The following ZNF804B variants were observed in gnomAD, a reference collection of about 807,000 sequenced individuals.
The protein encoded by ZNF804B is zinc finger 804B.
ZNF804B carries 80 observed loss-of-function variants against 101.4 expected under a neutral mutation model. The observed-to-expected ratio is 0.79, with a 90% CI of 0.66 to 0.95. ZNF804B has a LOEUF of 0.95. ZNF804B is among the 40% of genes least tolerant of loss of function. The pLI is 0.00. For synonymous variants in ZNF804B, 622 were observed against 558.8 expected, an observed-to-expected ratio of 1.11 and a Z score of -1.59; for missense variants, 1,673 against 1,561.9, an observed-to-expected ratio of 1.07 and a Z score of -1.20.
chr7:88,917,348 A>G (rs1792650718), intron 1 of ZNF804B, among the ~76,000 whole-genome samples: 1 of 152,180 alleles, frequency 6.6e-6, no homozygotes, highest in African/African-American at 2.4e-5. Flanking sequence ...GTTTGGTTGG[A>G]ACATGTTAAA....
At chr7:88,948,738 C>T (rs550868518) in intron 1 of ZNF804B, among the ~76,000 whole-genome samples, 1 of 151,938 alleles carries the variant, frequency 6.6e-6, no homozygotes, top group African/African-American at 2.4e-5. Context: ...ACTAGGACAA[C>T]TGGGGACCAC....
At chr7:89,231,512 G>A (rs928794864) in intron 2 of ZNF804B, among the ~76,000 whole-genome samples, 6 of 151,978 alleles carry the variant, frequency 3.9e-5, no homozygotes, top group African/African-American at 1.4e-4. Flanking sequence ...GATAGGAATT[G>A]CACTAAATTT....
chr7:89,295,380 T>C (rs1052781439), intron 2 of ZNF804B, among the ~76,000 whole-genome samples: 2 of 152,176 alleles, frequency 1.3e-5, no homozygotes, highest in Non-Finnish European at 2.9e-5. Context: ...AGCTTTCTTG[T>C]TGACTCTTAC....
Position 89,336,084 on chromosome 7 carries a change from A to G in ZNF804B, c.3102A>G (p.Val1034=), listed in dbSNP as rs911857677. 2.5e-6 allele frequency: 4 copies of G among 1,613,864 alleles called. No homozygotes were observed. The highest frequency in any genetic ancestry group is 2.7e-5 in the African/African-American group (2 of 74,926). Residue 1034 remains valine, a synonymous_variant, in exon 4 of 4, where the codon GTA becomes GTG. Coordinates refer to ENST00000333190, the MANE Select transcript of ZNF804B (RefSeq NM_181646.5). ...NHLSKGIIHL[V]TESQSLNIKR... Reference sequence around the variant, plus strand: ...TTTCTAAAGGTATAATTCACCTAGTAACAGAGTCTCAGTCACTAAACATAA... The same window carrying G: ...TTTCTAAAGGTATAATTCACCTAGTGACAGAGTCTCAGTCACTAAACATAA...
At chr7:88,933,926 T>C (rs1420660106) in intron 1 of ZNF804B, among the ~76,000 whole-genome samples, 1 of 95,108 alleles carries the variant, frequency 1.1e-5, no homozygotes, top group African/African-American at 5.7e-5. Flanking sequence ...AAATTTGTAT[T>C]AAACCAAAAA....
chr7:89,244,477 A>T (rs1251762967), intron 2 of ZNF804B, among the ~76,000 whole-genome samples: 3 of 152,142 alleles, frequency 2.0e-5, no homozygotes, highest in African/African-American at 7.2e-5. Context: ...GATAACACTG[A>T]ATAAAGTAAA....
intron 1 of ZNF804B, among the ~76,000 whole-genome samples, chr7:89,122,054 A>T (rs1055268706): frequency 4.0e-5 from 6 of 151,494 alleles, no homozygotes; most frequent in Non-Finnish European, 7.4e-5. Flanking sequence ...GCTATATGTT[A>T]AATTATGTGT....
chr7:89,214,269 C>T (rs1480583360), intron 1 of ZNF804B, among the ~76,000 whole-genome samples: 2 of 152,042 alleles, frequency 1.3e-5, no homozygotes, highest in Non-Finnish European at 2.9e-5. Flanking sequence ...TAACAAGAAG[C>T]TTTCTTTTAT....
chr7:89,239,415 T>G (rs932762761), intron 2 of ZNF804B, among the ~76,000 whole-genome samples: 1 of 152,170 alleles, frequency 6.6e-6, no homozygotes. Flanking sequence ...TCTTCATTCC[T>G]GCTTTTTCTT....
chr7:89,245,845 C>T (rs904434144), intron 2 of ZNF804B, among the ~76,000 whole-genome samples: 1 of 152,148 alleles, frequency 6.6e-6, no homozygotes, highest in African/African-American at 2.4e-5. Context: ...CCCTAGCACA[C>T]GAGAAAGGCA....
chr7:89,018,816 G>A (rs1044055041), intron 1 of ZNF804B, among the ~76,000 whole-genome samples: 3 of 151,918 alleles, frequency 2.0e-5, no homozygotes, highest in African/African-American at 7.2e-5. Context: ...ATAACCTCTT[G>A]CACTCCTGTT....
chr7:89,236,614 T>C (rs1789285592), intron 2 of ZNF804B, among the ~76,000 whole-genome samples: 1 of 152,154 alleles, frequency 6.6e-6, no homozygotes, highest in Non-Finnish European at 1.5e-5. Flanking sequence ...CATGGTAAAA[T>C]ACAAAGAGTT....
intron 1 of ZNF804B, among the ~76,000 whole-genome samples, chr7:88,828,832 G>A (rs1337846524): frequency 6.6e-6 from 1 of 151,918 alleles, no homozygotes; most frequent in Non-Finnish European, 1.5e-5. Flanking sequence ...TCTGTTATTG[G>A]TCAATACATT....
intron 1 of ZNF804B, among the ~76,000 whole-genome samples, chr7:89,194,357 T>A (rs1404913893): frequency 1.3e-5 from 2 of 151,000 alleles, no homozygotes; most frequent in Non-Finnish European, 3.0e-5. Context: ...TTGCCATTGC[T>A]TTTGGTGTTT....
intron 1 of ZNF804B, among the ~76,000 whole-genome samples, chr7:89,137,973 G>A (rs892038902): frequency 4.6e-5 from 7 of 152,128 alleles, no homozygotes; most frequent in African/African-American, 1.7e-4. Context: ...AAAGGGCCAA[G>A]GTACAGCTCA....
chr7:88,810,401 C>G (rs760874822), intron 1 of ZNF804B, among the ~76,000 whole-genome samples: 11 of 151,884 alleles, frequency 7.2e-5, no homozygotes, highest in Non-Finnish European at 1.3e-4. Flanking sequence ...TGCCTGTAAT[C>G]CAGCACTTAA....
chr7:89,241,802 C>CT (rs35802915), intron 2 of ZNF804B, among the ~76,000 whole-genome samples: 255 of 144,220 alleles, frequency 1.8e-3, no homozygotes, highest in Middle Eastern at 7.3e-3. Flanking sequence ...TGAGAATAGT[C>CT]TTTTTTTTTT....
At chr7:89,009,799 T>C (rs1360740281) in intron 1 of ZNF804B, among the ~76,000 whole-genome samples, 1 of 152,204 alleles carries the variant, frequency 6.6e-6, no homozygotes, top group African/African-American at 2.4e-5. Flanking sequence ...AACTGTGAAC[T>C]GTGAGAAATA....
intron 2 of ZNF804B, among the ~76,000 whole-genome samples, chr7:89,254,586 A>G (rs1789595485): frequency 6.6e-6 from 1 of 151,768 alleles, no homozygotes; most frequent in Admixed American, 6.6e-5. Context: ...GGAATGTGGA[A>G]AATTTACTCC....
Sources: allele counts gnomAD v4.1 joint callset (sites outside exome capture counted in the v4.1 genomes callset), GRCh38; gene constraint gnomAD v4.1.1; transcripts MANE v1.5; gene names NCBI Gene and HGNC (gene_info 2026-07-23, HGNC 2026-07-21).